The following FAT3 variants were observed in gnomAD, a reference collection of about 807,000 sequenced individuals.
FAT3 encodes FAT atypical cadherin 3, also known as protocadherin Fat 3.
In FAT3, 95 loss-of-function variants were observed where a neutral mutation model predicts 310.2. That is an observed-to-expected ratio of 0.31 (90% confidence interval 0.26 to 0.36). The LOEUF is 0.36. Ranked by LOEUF, FAT3 falls within the 10% of genes least tolerant of loss-of-function variation. The pLI is 1.00. For missense variants in FAT3, 5,408 were observed against 5,715.6 expected (o/e 0.95, Z 1.74); for synonymous variants, 2,314 against 2,192.9 (o/e 1.06, Z -1.54).
At chr11:92,357,944 G>A (rs1948777325) in intron 2 of FAT3, among the ~76,000 whole-genome samples, 1 of 151,046 alleles carries the variant, frequency 6.6e-6, no homozygotes, top group Non-Finnish European at 1.5e-5. Context: ...CAAGGCAAGT[G>A]TATCTCTTGA....
chr11:92,523,788 G>T lies in FAT3; in HGVS notation c.3293-846G>T, dbSNP rs75114364. 3.5e-3 allele frequency among the ~76,000 whole-genome samples: 538 copies of T among 152,302 alleles called. 4 individuals carry two copies. Among genetic ancestry groups the T allele is most frequent in the African/African-American group, 0.011 (477 of 41,574 alleles). On this transcript the variant is annotated intron_variant, in intron 2 of 27. Transcript: ENST00000525166. Reference sequence around the variant, plus strand: ...CTGTGGTAAGTTTCTGCAGCCTAGTGATTGGGTAAGTGTTGTAAAGATAGA... The same window carrying T: ...CTGTGGTAAGTTTCTGCAGCCTAGTTATTGGGTAAGTGTTGTAAAGATAGA...
intron 1 of FAT3, among the ~76,000 whole-genome samples, chr11:92,276,873 A>G (rs1946289584): frequency 6.6e-6 from 1 of 152,160 alleles, no homozygotes; most frequent in African/African-American, 2.4e-5. Flanking sequence ...CTTATTTTTA[A>G]TAACATAATT....
At chr11:92,290,091 T>G (rs1175104319) in intron 1 of FAT3, among the ~76,000 whole-genome samples, 2 of 152,096 alleles carry the variant, frequency 1.3e-5, no homozygotes, top group Non-Finnish European at 2.9e-5. Flanking sequence ...GCTGTGCTCT[T>G]CCCCATCATC....
At chr11:92,765,787 T>G (rs1399280934) in intron 6 of FAT3, among the ~76,000 whole-genome samples, 1 of 46,774 alleles carries the variant, frequency 2.1e-5, no homozygotes, top group African/African-American at 6.4e-5. Context: ...GGATTTTTTT[T>G]GAGGGGGGGG....
chr11:92,812,803 G>C (rs1947714583), intron 13 of FAT3, among the ~76,000 whole-genome samples: 1 of 152,112 alleles, frequency 6.6e-6, no homozygotes, highest in Non-Finnish European at 1.5e-5. Flanking sequence ...CTTGCCTCCT[G>C]CTAGCCACTT....
chr11:92,832,156 C>A (rs1565632761), intron 14 of FAT3, 145 bp downstream of exon 14: 4 of 941,946 alleles, frequency 4.2e-6, no homozygotes, highest in East Asian at 2.7e-5. Flanking sequence ...CAGAGTGAGA[C>A]CCTGTCTCTA....
intron 2 of FAT3, among the ~76,000 whole-genome samples, chr11:92,487,655 A>C (rs964117268): frequency 6.6e-6 from 1 of 152,244 alleles, no homozygotes. Flanking sequence ...ACTTGCACAA[A>C]GTCGTACAAT....
chr11:92,590,011 C>T (rs1328714797), intron 3 of FAT3, among the ~76,000 whole-genome samples: 1 of 152,076 alleles, frequency 6.6e-6, no homozygotes, highest in Admixed American at 6.6e-5. Context: ...AATTTCTCTC[C>T]TTATAGAACT....
intron 3 of FAT3, among the ~76,000 whole-genome samples, chr11:92,622,281 C>CAA (rs57328703): frequency 7.0e-4 from 102 of 145,956 alleles, no homozygotes; most frequent in South Asian, 1.3e-3. Flanking sequence ...GACTCCATCT[C>CAA]AAAAAAAAAA....
chr11:92,764,919 C>T lies in FAT3; in HGVS notation c.4025C>T (p.Thr1342Met), dbSNP rs565456861. ...AATGGGCGCCCACAGAAATCCTCCA[C>T]GGCCCGCCTCCACATTGAATGGATT... The part of the protein sequence containing the change: ...VDNGRPQKSS[T>M]ARLHIEWIKK... Residue 1342 changes from threonine to methionine, a missense_variant, in exon 6 of 28, where the codon ACG (threonine) becomes ATG (methionine). Thr to Met is a moderately conservative substitution (Grantham distance 81, BLOSUM62 -1). This residue lies in a region of FAT3 where 4,588 missense variants were observed against 4,809.8 expected (regional missense o/e 0.95). Coordinates refer to ENST00000525166, the MANE Select transcript of FAT3 (RefSeq NM_001367949.2). 34 of 1,613,838 alleles carry T rather than the reference C, an allele frequency of 2.1e-5. No homozygotes were observed. Among genetic ancestry groups the T allele is most frequent in the Middle Eastern group, 1.6e-4 (1 of 6,062 alleles).
chr11:92,596,514 CAGAG>C (rs936825690), intron 3 of FAT3, among the ~76,000 whole-genome samples: 2 of 152,146 alleles, frequency 1.3e-5, no homozygotes, highest in Non-Finnish European at 2.9e-5. Flanking sequence ...CCTTTGATGA[CAGAG>C]AGAACTATCT....
chr11:92,584,656 C>T (rs1325611043), intron 3 of FAT3, among the ~76,000 whole-genome samples: 1 of 151,756 alleles, frequency 6.6e-6, no homozygotes, highest in East Asian at 1.9e-4. Context: ...AAACAGGCTA[C>T]TGACAAGATG....
intron 7 of FAT3, among the ~76,000 whole-genome samples, chr11:92,784,934 A>G (rs1056291274): frequency 1.3e-4 from 19 of 151,924 alleles, no homozygotes; most frequent in African/African-American, 4.4e-4. Context: ...CATCTTGACT[A>G]AGTTAACTTG....
chr11:92,333,011 TG>T, intron 1 of FAT3, among the ~76,000 whole-genome samples: 2 of 152,222 alleles, frequency 1.3e-5, no homozygotes, highest in Non-Finnish European at 2.9e-5. Flanking sequence ...TTAACAACAG[TG>T]GGGTTTAAGT....
At chr11:92,812,326 CTATAG>C (rs1394972555) in intron 13 of FAT3, among the ~76,000 whole-genome samples, 1 of 152,068 alleles carries the variant, frequency 6.6e-6, no homozygotes, top group Non-Finnish European at 1.5e-5. Context: ...AGTTTGGCCT[CTATAG>C]TGTTCAAAAG....
chr11:92,713,681 C>A (rs911619175), intron 4 of FAT3, among the ~76,000 whole-genome samples: 7 of 152,244 alleles, frequency 4.6e-5, no homozygotes, highest in South Asian at 2.1e-4. Context: ...TATTTAAATT[C>A]TTTTGGCTTT....
intron 3 of FAT3, among the ~76,000 whole-genome samples, chr11:92,586,226 C>A (rs1939148833): frequency 6.6e-6 from 1 of 151,936 alleles, no homozygotes; most frequent in Non-Finnish European, 1.5e-5. Flanking sequence ...ATGGTGTGTG[C>A]ATATCTGTGT....
At position 92,737,363 on chromosome 11, in the gene FAT3, A is replaced by G. The variant is rs1945382275; in HGVS notation, c.3670-24493A>G. ...TGGTACTTAAAATCTAAGGAATAGC[A>G]AAGAGAATTTTCTTCTATTATAAAG... On this transcript the variant is annotated intron_variant, in intron 4 of 27. Coordinates refer to ENST00000525166, the MANE Select transcript of FAT3 (RefSeq NM_001367949.2). Among the ~76,000 whole-genome samples the G allele has an allele frequency of 2.0e-5, 3 of 152,170 alleles. No individual in the cohort carries two copies. In the South Asian group the frequency reaches 6.2e-4, roughly 32 times the overall value.
At chr11:92,483,532 C>T (rs2135202588) in intron 2 of FAT3, among the ~76,000 whole-genome samples, 1 of 152,100 alleles carries the variant, frequency 6.6e-6, no homozygotes, top group Middle Eastern at 3.4e-3. Context: ...TTGTGTAGCT[C>T]TCTGTCTACT....
Sources: allele counts gnomAD v4.1 joint callset (sites outside exome capture counted in the v4.1 genomes callset), GRCh38; gene constraint gnomAD v4.1.1; regional missense constraint gnomAD v4.1.1; transcripts MANE v1.5; gene names NCBI Gene and HGNC (gene_info 2026-07-23, HGNC 2026-07-21).